The following ADK variants were observed in gnomAD, a reference collection of about 807,000 sequenced individuals.
The protein encoded by ADK is adenosine kinase.
ADK carries 24 observed loss-of-function variants against 44.7 expected under a neutral mutation model. The ratio of observed to expected loss-of-function variants is 0.54; its 90% CI spans 0.39 to 0.76. ADK has a LOEUF of 0.76. Among genes scored for constraint, ADK ranks in the 30% least tolerant of loss-of-function variants. The probability of loss-of-function intolerance (pLI) is 0.00; values close to 1 mark genes in which losing one functional copy is unlikely to be tolerated. For synonymous variants in ADK, 128 were observed against 142.6 expected, an observed-to-expected ratio of 0.90 and a Z score of 0.73; for missense variants, 321 against 425.1, an observed-to-expected ratio of 0.76 and a Z score of 2.15.
intron 5 of ADK, among the ~76,000 whole-genome samples, chr10:74,397,837 A>G (rs1843571191): frequency 6.6e-6 from 1 of 152,160 alleles, no homozygotes; most frequent in South Asian, 2.1e-4. Flanking sequence ...ACTGCACCCA[A>G]CCTGCAGCAA....
chr10:74,536,422 T>G (rs922147994), intron 7 of ADK, among the ~76,000 whole-genome samples: 7 of 152,058 alleles, frequency 4.6e-5, no homozygotes, highest in Admixed American at 2.0e-4. Flanking sequence ...TATGTTCTTG[T>G]GATATAACCA....
chr10:74,412,657 C>T (rs1231311760), intron 6 of ADK, among the ~76,000 whole-genome samples: 3 of 152,130 alleles, frequency 2.0e-5, no homozygotes, highest in East Asian at 3.8e-4. Context: ...TCTTCTTATA[C>T]GTCTCCATCA....
rs567955283 is a variant in ADK at position 74,151,497 on chromosome 10, C to G, written c.65+154C>G. 6.6e-5 allele frequency among the ~76,000 whole-genome samples: 10 copies of G among 152,320 alleles called. No individual in the cohort carries two copies. In the South Asian group the frequency reaches 1.9e-3, roughly 28 times the overall value. ...CCCCCAGCTGCCCGCTTGGCCGCGA[C>G]CCCTTGCCAGACGTTCTCTCCGTTT... On this transcript the variant is annotated intron_variant, in intron 1 of 10. Coordinates refer to ENST00000539909, the MANE Select transcript of ADK (RefSeq NM_006721.4).
intron 4 of ADK, among the ~76,000 whole-genome samples, chr10:74,335,360 G>A (rs1026402359): frequency 2.6e-5 from 4 of 152,144 alleles, no homozygotes; most frequent in African/African-American, 7.2e-5. Context: ...ATGGAATCAT[G>A]TTGTGCATAG....
intron 1 of ADK, among the ~76,000 whole-genome samples, chr10:74,190,312 G>A (rs1006494165): frequency 3.9e-5 from 6 of 152,186 alleles, no homozygotes; most frequent in Admixed American, 3.9e-4. Flanking sequence ...CACTCAACCA[G>A]GCTTTCAGTT....
intron 1 of ADK, among the ~76,000 whole-genome samples, chr10:74,160,898 G>A (rs1841879569): frequency 6.6e-6 from 1 of 152,052 alleles, no homozygotes; most frequent in Non-Finnish European, 1.5e-5. Context: ...ATTTTAGCAT[G>A]TACAATATTT....
intron 10 of ADK, among the ~76,000 whole-genome samples, chr10:74,695,639 T>G (rs925021991): frequency 7.9e-5 from 12 of 151,706 alleles, no homozygotes; most frequent in Admixed American, 5.3e-4. Flanking sequence ...TGTGTGTGTG[T>G]GTGTGTGTGT....
At chr10:74,391,102 CCTA>C (rs1402181529) in intron 4 of ADK, among the ~76,000 whole-genome samples, 1 of 152,098 alleles carries the variant, frequency 6.6e-6, no homozygotes, top group Non-Finnish European at 1.5e-5. Context: ...CAACAATAAA[CCTA>C]CTAAATAAAG....
chr10:74,584,389 T>C (rs1237733597), intron 7 of ADK, among the ~76,000 whole-genome samples: 2 of 152,192 alleles, frequency 1.3e-5, no homozygotes, highest in Non-Finnish European at 1.5e-5. Context: ...TGGCTCAAGA[T>C]TACATAGCAA....
intron 6 of ADK, among the ~76,000 whole-genome samples, chr10:74,448,689 A>T (rs1475993634): frequency 6.6e-6 from 1 of 152,074 alleles, no homozygotes; most frequent in Non-Finnish European, 1.5e-5. Context: ...TTTTTTCTAC[A>T]TCTGGGCTTC....
chr10:74,702,571 C>CCTTCCTTCCTTCCTTCCTCT (rs1554900319), intron 10 of ADK, among the ~76,000 whole-genome samples: 2 of 144,116 alleles, frequency 1.4e-5, no homozygotes, highest in South Asian at 2.2e-4. Context: ...TTCCTTCCTT[C>CCTTCCTTCCTTCCTTCCTCT]CTCTCTCTCT....
intron 4 of ADK, among the ~76,000 whole-genome samples, chr10:74,366,156 T>G (rs1327791525): frequency 6.6e-6 from 1 of 152,208 alleles, no homozygotes; most frequent in Non-Finnish European, 1.5e-5. Flanking sequence ...ATTTTGACTT[T>G]TGATGTTATC....
At chr10:74,655,457 A>G in intron 9 of ADK, 1 of 457,610 alleles carries the variant, frequency 2.2e-6, no homozygotes, top group Non-Finnish European at 4.4e-6. Flanking sequence ...CCCTGGGCTG[A>G]GGAATGACAC....
At chr10:74,550,450 T>C (rs1023158605) in intron 7 of ADK, among the ~76,000 whole-genome samples, 3 of 152,206 alleles carry the variant, frequency 2.0e-5, no homozygotes, top group Non-Finnish European at 4.4e-5. Flanking sequence ...CTTCTTCCCT[T>C]CTAGTTCATG....
intron 1 of ADK, among the ~76,000 whole-genome samples, chr10:74,151,946 G>T (rs1370800531): frequency 6.6e-6 from 1 of 152,168 alleles, no homozygotes; most frequent in African/African-American, 2.4e-5. Context: ...TGGCAGCAAC[G>T]GGGACAGTGC....
At chr10:74,158,433 G>C (rs892585225) in intron 1 of ADK, among the ~76,000 whole-genome samples, 1 of 152,198 alleles carries the variant, frequency 6.6e-6, no homozygotes, top group African/African-American at 2.4e-5. Context: ...CTGGAAGCTG[G>C]AAGTTTTTTA....
chr10:74,486,042 T>C (rs1847255648), intron 6 of ADK, among the ~76,000 whole-genome samples: 1 of 152,194 alleles, frequency 6.6e-6, no homozygotes, highest in Admixed American at 6.5e-5. Flanking sequence ...TTTTCTCCCA[T>C]ATCCCCAAAT....
chr10:74,180,772 T>G (rs1477809330), intron 1 of ADK, among the ~76,000 whole-genome samples: 1 of 152,136 alleles, frequency 6.6e-6, no homozygotes, highest in Non-Finnish European at 1.5e-5. Flanking sequence ...ATGCTAGTCT[T>G]GAATTCCTGA....
chr10:74,582,497 A>G (rs1851405549), intron 7 of ADK, among the ~76,000 whole-genome samples: 1 of 152,120 alleles, frequency 6.6e-6, no homozygotes, highest in South Asian at 2.1e-4. Flanking sequence ...TCCTAACTTA[A>G]TTTGTTCTTT....
Sources: gnomAD v4.1 joint callset for allele counts (sites outside exome capture counted in the v4.1 genomes callset) on GRCh38, gnomAD v4.1.1 for gene constraint, MANE v1.5 for transcripts, NCBI Gene and HGNC (gene_info 2026-07-23, HGNC 2026-07-21) for gene names.